KL: variants seen among roughly 807,000 people sequenced by gnomAD.
KL encodes alpha-klotho.
Under a neutral mutation model 84.2 loss-of-function variants are expected in KL, and 62 were observed. The ratio of observed to expected loss-of-function variants is 0.74; its 90% CI spans 0.60 to 0.91. The LOEUF (loss-of-function observed/expected upper bound fraction) is 0.91, where lower values mean the gene tolerates loss of function less well. Ranked by LOEUF, KL falls within the 40% of genes least tolerant of loss-of-function variation. The pLI is 0.00. For synonymous variants in KL, 528 were observed against 528.0 expected (o/e 1.00, Z 0.00); for missense variants, 1,261 against 1,305.7 (o/e 0.97, Z 0.53).
In KL at chr13:33,027,144, C is replaced by A. The variant is rs552296731; in HGVS notation, c.819+9885C>A. ...CTTGGTCAAGGACCCCAGCGCTACT[C>A]CTCAGGATTTGCAGTGCATGCTCAA... is the stretch of plus-strand genomic sequence containing the variant. On this transcript the variant is annotated intron_variant, in intron 1 of 4. Transcript: ENST00000380099. 4.8e-4 allele frequency among the ~76,000 whole-genome samples: 73 copies of A among 152,290 alleles called. 1 individual carries two copies. The highest frequency in any genetic ancestry group is 6.5e-4 in the Non-Finnish European group (44 of 68,008).
chr13:33,017,372 C>A, intron 1 of KL, 113 bp downstream of exon 1: 2 of 1,002,006 alleles, frequency 2.0e-6, no homozygotes, highest in Non-Finnish European at 2.9e-6. Context: ...CACTTGGACA[C>A]GTGTATGTGG....
chr13:33,062,843 G>T (rs1872260720), intron 4 of KL, among the ~76,000 whole-genome samples: 1 of 152,062 alleles, frequency 6.6e-6, no homozygotes, highest in Non-Finnish European at 1.5e-5. Flanking sequence ...AGGGGACCAA[G>T]CGAGGGGGTG....
intron 1 of KL, among the ~76,000 whole-genome samples, chr13:33,050,430 A>ATC (rs1871700534): frequency 6.6e-6 from 1 of 152,232 alleles, no homozygotes; most frequent in South Asian, 2.1e-4. Flanking sequence ...AAGGGAGTGA[A>ATC]CTGGCTCGTG....
At chr13:33,045,713 A>G (rs1469597037) in intron 1 of KL, among the ~76,000 whole-genome samples, 1 of 152,116 alleles carries the variant, frequency 6.6e-6, no homozygotes, top group South Asian at 2.1e-4. Context: ...TCCTGACCTC[A>G]GATGATCCGC....
intron 1 of KL, among the ~76,000 whole-genome samples, chr13:33,049,331 T>C (rs1871657799): frequency 6.6e-6 from 1 of 152,230 alleles, no homozygotes; most frequent in Non-Finnish European, 1.5e-5. Context: ...CCTCTAGATC[T>C]GTTTATTGAA....
intron 1 of KL, among the ~76,000 whole-genome samples, chr13:33,039,044 C>T (rs549169796): frequency 6.6e-6 from 1 of 152,230 alleles, no homozygotes; most frequent in African/African-American, 2.4e-5. Context: ...CTGTACAAAT[C>T]CTTTAAAATC....
chr13:33,059,729 G>A (rs769429927), intron 3 of KL, among the ~76,000 whole-genome samples: 4 of 152,048 alleles, frequency 2.6e-5, no homozygotes, highest in East Asian at 1.9e-4. Context: ...CCTTGGCCCC[G>A]CAAAGTGCCG....
intron 1 of KL, among the ~76,000 whole-genome samples, chr13:33,033,042 A>C (rs1871029787): frequency 6.6e-6 from 1 of 152,206 alleles, no homozygotes; most frequent in Admixed American, 6.5e-5. Flanking sequence ...TGCCCAGCAT[A>C]ATAATTTGTC....
intron 1 of KL, among the ~76,000 whole-genome samples, chr13:33,045,773 C>T (rs891669748): frequency 6.6e-6 from 1 of 152,184 alleles, no homozygotes; most frequent in East Asian, 1.9e-4. Flanking sequence ...GCCACCACGC[C>T]CGGCCCATAA....
chr13:33,022,255 C>T (rs959480746), intron 1 of KL, among the ~76,000 whole-genome samples: 5 of 152,200 alleles, frequency 3.3e-5, no homozygotes, highest in African/African-American at 7.2e-5. Context: ...GTAGCAATCA[C>T]GGCTTTTGCA....
At chr13:33,048,684 T>G (rs1871629815) in intron 1 of KL, among the ~76,000 whole-genome samples, 1 of 152,214 alleles carries the variant, frequency 6.6e-6, no homozygotes, top group Non-Finnish European at 1.5e-5. Context: ...TGTGTGGGCT[T>G]CATTTGCCTC....
intron 4 of KL, among the ~76,000 whole-genome samples, chr13:33,062,672 C>CA (rs35287139): frequency 0.51 from 34,456 of 68,154 alleles, 9,842 homozygotes; most frequent in Admixed American, 0.64. Flanking sequence ...GACTCCATCT[C>CA]AAAAAAAAAA....
intron 1 of KL, among the ~76,000 whole-genome samples, chr13:33,025,522 C>G (rs1383246684): frequency 6.6e-6 from 1 of 152,148 alleles, no homozygotes; most frequent in African/African-American, 2.4e-5. Context: ...AAAGTCAGTA[C>G]AGGTGAGACA....
intron 1 of KL, among the ~76,000 whole-genome samples, chr13:33,050,311 A>C (rs1049539985): frequency 1.3e-5 from 2 of 152,254 alleles, no homozygotes; most frequent in Non-Finnish European, 2.9e-5. Flanking sequence ...TTGCAAGACT[A>C]TATGTAACCA....
chr13:33,058,591 C>T (rs1398002953), intron 3 of KL, among the ~76,000 whole-genome samples: 1 of 152,104 alleles, frequency 6.6e-6, no homozygotes, highest in African/African-American at 2.4e-5. Flanking sequence ...CCACCCACCT[C>T]GGCCTCCCAA....
intron 1 of KL, among the ~76,000 whole-genome samples, chr13:33,029,014 A>G (rs1029821375): frequency 2.9e-4 from 44 of 152,096 alleles, no homozygotes; most frequent in African/African-American, 9.7e-4. Context: ...AACTGGGGGA[A>G]TTGTAGGGCA....
chr13:33,027,513 A>C (rs1870822643), intron 1 of KL, among the ~76,000 whole-genome samples: 1 of 152,224 alleles, frequency 6.6e-6, no homozygotes. Flanking sequence ...CTTCCACTGT[A>C]GGAGAGAAGG....
At chr13:33,045,701 A>T (rs536328626) in intron 1 of KL, among the ~76,000 whole-genome samples, 5 of 151,448 alleles carry the variant, frequency 3.3e-5, no homozygotes, top group Non-Finnish European at 7.4e-5. Flanking sequence ...CTGCTCTCGA[A>T]CTCCTGACCT....
upstream of KL, chr13:33,016,366 T>C: frequency 6.4e-6 from 1 of 155,078 alleles, no homozygotes; most frequent in Non-Finnish European, 1.3e-5. Context: ...GCGCCGGCGG[T>C]GGGCGGGCGG....
Sources: gnomAD v4.1 joint callset for allele counts (sites outside exome capture counted in the v4.1 genomes callset) on GRCh38, gnomAD v4.1.1 for gene constraint, MANE v1.5 for transcripts, NCBI Gene and HGNC (gene_info 2026-07-23, HGNC 2026-07-21) for gene names.